The following MPZL1 variants were observed in gnomAD, a reference collection of about 807,000 sequenced individuals.
MPZL1 encodes the protein myelin protein zero-like protein 1.
In MPZL1, 16 loss-of-function variants were observed where a neutral mutation model predicts 29.3. That is an observed-to-expected ratio of 0.55 (90% CI 0.37 to 0.83). The LOEUF (loss-of-function observed/expected upper bound fraction) is 0.83. Ranked by LOEUF, MPZL1 falls within the 40% of genes least tolerant of loss-of-function variation. MPZL1 has a pLI of 0.00. For missense variants in MPZL1, 279 were observed against 332.9 expected, an observed-to-expected ratio of 0.84 and a Z score of 1.26; for synonymous variants, 143 against 132.0, an observed-to-expected ratio of 1.08 and a Z score of -0.57.
chr1:167,790,514 C>T lies in MPZL1; in HGVS notation c.*2593C>T, dbSNP rs8917. 5,363 of 152,402 alleles carry T rather than the reference C, an allele frequency of 0.035. 137 individuals carry two copies. The highest frequency in any genetic ancestry group is 0.095 in the Middle Eastern group (28 of 294). The allele number at this position is 152,402 out of a possible 1,614,324, so 9.4% of individuals were successfully genotyped here. ...AGCCCTGCACACCCACCCCTGCAGC[C>T]CTTTTGGCTCCCCTTTTCCCTGTGC... On this transcript the variant is annotated 3_prime_UTR_variant, in exon 6 of 6. Coordinates refer to ENST00000359523, the MANE Select transcript of MPZL1 (RefSeq NM_003953.6).
At chr1:167,756,799 G>A (rs1660877462) in intron 1 of MPZL1, among the ~76,000 whole-genome samples, 1 of 151,992 alleles carries the variant, frequency 6.6e-6, no homozygotes, top group Non-Finnish European at 1.5e-5. Flanking sequence ...AGGTAATGAG[G>A]GTATAATGGT....
chr1:167,770,377 C>T (rs772430246), intron 2 of MPZL1, among the ~76,000 whole-genome samples: 6 of 152,220 alleles, frequency 3.9e-5, no homozygotes, highest in Non-Finnish European at 5.9e-5. Context: ...GGGCCTTAAC[C>T]CTGCTTCCAG....
chr1:167,764,548 G>C lies in MPZL1; in HGVS notation c.92-1035G>C, dbSNP rs116187066. Among the ~76,000 whole-genome samples, 1,345 of 152,182 alleles carry C rather than the reference G, an allele frequency of 8.8e-3. 21 individuals carry two copies. The highest frequency in any genetic ancestry group is 0.031 in the African/African-American group (1,267 of 41,502). Reference sequence around the variant, plus strand: ...CTTCCTTAAGTTCTTTATAAGAAAAGGATCAGTTAAATAATAAATGTGGCT... The same window carrying C: ...CTTCCTTAAGTTCTTTATAAGAAAACGATCAGTTAAATAATAAATGTGGCT... On this transcript the variant is annotated intron_variant, in intron 1 of 5. Coordinates refer to ENST00000359523, the MANE Select transcript of MPZL1 (RefSeq NM_003953.6).
At position 167,788,454 on chromosome 1, in the gene MPZL1, G is replaced by A. The variant is rs1319238923; in HGVS notation, c.*533G>A. The stretch of plus-strand genomic sequence containing the variant: ...CTTTTAAAAAATACCCATTGGCTAT[G>A]CCACTTGAAAACAATTTGAGAAGTT... On this transcript the variant is annotated 3_prime_UTR_variant, in exon 6 of 6. Transcript: ENST00000359523. The A allele has an allele frequency of 6.6e-6, 1 of 152,576 alleles. No homozygotes were observed. The highest frequency in any genetic ancestry group is 2.4e-5 in the African/African-American group (1 of 41,454). 9.5% of individuals were successfully genotyped at this position (152,576 alleles called of 1,614,324 possible). A position where few individuals can be genotyped will look rare whatever the true frequency, so the allele number is the denominator to read the frequency against.
intron 1 of MPZL1, among the ~76,000 whole-genome samples, chr1:167,730,082 G>T (rs1660230992): frequency 6.6e-6 from 1 of 152,010 alleles, no homozygotes; most frequent in South Asian, 2.1e-4. Flanking sequence ...AGCTGTCCTG[G>T]GGCATCCAGA....
intron 2 of MPZL1, among the ~76,000 whole-genome samples, chr1:167,767,759 C>T (rs1456166019): frequency 7.4e-6 from 1 of 134,910 alleles, no homozygotes; most frequent in Non-Finnish European, 1.6e-5. Context: ...TGAAACTGAA[C>T]TCATTTTTTC....
At chr1:167,739,388 C>T (rs1558110786) in intron 1 of MPZL1, among the ~76,000 whole-genome samples, 1 of 149,450 alleles carries the variant, frequency 6.7e-6, no homozygotes, top group Admixed American at 6.7e-5. Context: ...AGAAAAGTGA[C>T]TGGGACATAG....
rs1182248728 is a variant in MPZL1, at chr1:167,788,832, CT to C, written c.*912del. On this transcript the variant is annotated 3_prime_UTR_variant, in exon 6 of 6. Transcript: ENST00000359523. ...CAGAAATGGTATCATTATGTTGCCG[CT>C]CTCCAATCTCCCAGAGCTCGCTCTC... The C allele has an allele frequency of 6.6e-6, 1 of 151,218 alleles. No homozygotes were observed. Among genetic ancestry groups the C allele is most frequent in the Non-Finnish European group, 1.5e-5 (1 of 67,956 alleles). 9.4% of individuals were successfully genotyped at this position (151,218 alleles called of 1,614,324 possible).
chr1:167,726,618 C>T (rs958463086), intron 1 of MPZL1, among the ~76,000 whole-genome samples: 2 of 152,178 alleles, frequency 1.3e-5, no homozygotes, highest in African/African-American at 4.8e-5. Context: ...TGATTTCATG[C>T]ACTGCTTATT....
At chr1:167,744,610 G>A (rs1428920000) in intron 1 of MPZL1, among the ~76,000 whole-genome samples, 1 of 151,446 alleles carries the variant, frequency 6.6e-6, no homozygotes, top group African/African-American at 2.4e-5. Context: ...CTTGAACCCG[G>A]GGGTCAGAGG....
intron 4 of MPZL1, among the ~76,000 whole-genome samples, chr1:167,774,109 TA>T (rs1300556378): frequency 6.6e-6 from 1 of 152,210 alleles, no homozygotes; most frequent in Non-Finnish European, 1.5e-5. Flanking sequence ...ATATCAGCAA[TA>T]AAGAAAAATA....
chr1:167,772,457 T>G lies in MPZL1; in HGVS notation c.441T>G (p.Pro147=). 1 of 1,614,204 alleles carries G rather than the reference T, an allele frequency of 6.2e-7. No homozygotes were observed. The highest frequency in any genetic ancestry group is 8.5e-7 in the Non-Finnish European group (1 of 1,179,998). Residue 147 remains proline, a synonymous_variant, in exon 3 of 6, where the codon CCT becomes CCG. Coordinates refer to ENST00000359523, the MANE Select transcript of MPZL1 (RefSeq NM_003953.6). ...VKNPPDIVVQ[P]GHIRLYVVEK... ...ACCCTCCTGACATCGTTGTCCAGCC[T>G]GGACACATTAGGCTCTATGTCGTAG...
At chr1:167,728,670 T>G (rs1171370309) in intron 1 of MPZL1, among the ~76,000 whole-genome samples, 2 of 152,176 alleles carry the variant, frequency 1.3e-5, no homozygotes, top group Non-Finnish European at 2.9e-5. Flanking sequence ...CTGTGATACC[T>G]TATGATACCT....
rs57675541 is a variant in MPZL1 at position 167,741,330 on chromosome 1, C to CTT, written c.91+19104_91+19105dup. On this transcript the variant is annotated intron_variant, in intron 1 of 5. Transcript: ENST00000359523. ...AGTCACCACGTCTAGCCTGCAGTCA[C>CTT]TTTTTTTTTTTTTTTTTCCTGACAA... Among the ~76,000 whole-genome samples, 492 of 132,088 alleles carry CTT rather than the reference C, an allele frequency of 3.7e-3. 18 individuals are homozygous for CTT. Among genetic ancestry groups the CTT allele is most frequent in the Admixed American group, 0.031 (401 of 13,058 alleles). The allele number at this position is 132,088 out of a possible 152,430, so 86.7% of individuals were successfully genotyped here. A position where few individuals can be genotyped will look rare whatever the true frequency, so the allele number is the denominator to read the frequency against.
rs142239871 is a variant in MPZL1 at position 167,754,561 on chromosome 1, G to T, written c.92-11022G>T. On this transcript the variant is annotated intron_variant, in intron 1 of 5. Coordinates refer to ENST00000359523, the MANE Select transcript of MPZL1 (RefSeq NM_003953.6). ...TGATTAAGAAGCTGAGTAGAGCACT[G>T]CCCTGGTATTTTGAAAAGTTCAGGT... Among the ~76,000 whole-genome samples the T allele has an allele frequency of 4.0e-4, 61 of 152,322 alleles. No individual in the cohort carries two copies. The East Asian group carries it at 8.7e-3, about 22-fold the overall frequency.
Position 167,739,760 on chromosome 1 carries a change from T to G in MPZL1, c.91+17518T>G, listed in dbSNP as rs76893193. On this transcript the variant is annotated intron_variant, in intron 1 of 5. Coordinates refer to ENST00000359523, the MANE Select transcript of MPZL1 (RefSeq NM_003953.6). ...CCTCATTTGTCATATCCCTGTTAAC[T>G]ACAGTCACTACTCTAAACATCTACT... is the stretch of plus-strand genomic sequence containing the variant. Among the ~76,000 whole-genome samples the G allele has an allele frequency of 9.1e-3, 1,385 of 152,282 alleles. 16 individuals carry two copies. The highest frequency in any genetic ancestry group is 0.032 in the African/African-American group (1,309 of 41,548).
intron 5 of MPZL1, among the ~76,000 whole-genome samples, chr1:167,777,879 A>G (rs1003803309): frequency 6.6e-6 from 1 of 152,250 alleles, no homozygotes; most frequent in South Asian, 2.1e-4. Context: ...TGGACCCACC[A>G]TAACAAAGCT....
intron 1 of MPZL1, among the ~76,000 whole-genome samples, chr1:167,763,945 C>A (rs908500083): frequency 6.6e-6 from 1 of 152,102 alleles, no homozygotes; most frequent in Non-Finnish European, 1.5e-5. Flanking sequence ...TAAACATTTG[C>A]AAGATGGTTG....
At chr1:167,729,265 C>T (rs1174113841) in intron 1 of MPZL1, among the ~76,000 whole-genome samples, 1 of 150,088 alleles carries the variant, frequency 6.7e-6, no homozygotes, top group Non-Finnish European at 1.5e-5. Context: ...GTGAGACACC[C>T]TGTCTCAAAA....
Sources: gnomAD v4.1 joint callset for allele counts (sites outside exome capture counted in the v4.1 genomes callset) on GRCh38, gnomAD v4.1.1 for gene constraint, MANE v1.5 for transcripts, NCBI Gene and HGNC (gene_info 2026-07-23, HGNC 2026-07-21) for gene names.